Variants in ARIH1 observed in about 807,000 individuals in gnomAD.
The protein encoded by ARIH1 is ariadne RBR E3 ubiquitin protein ligase 1.
ARIH1 carries 8 observed loss-of-function variants against 85.0 expected under a neutral mutation model. The ratio of observed to expected loss-of-function variants is 0.09; its 90% CI spans 0.06 to 0.17. The LOEUF (loss-of-function observed/expected upper bound fraction) is 0.17. ARIH1 is among the 10% of genes least tolerant of loss of function. The pLI, the probability that ARIH1 is intolerant of heterozygous loss-of-function variation, is 1.00. For synonymous variants in ARIH1, 238 were observed against 253.6 expected (o/e 0.94, Z 0.59); for missense variants, 311 against 718.1 (o/e 0.43, Z 6.48).
At chr15:72,571,215 C>T (rs1007689074) in intron 10 of ARIH1, among the ~76,000 whole-genome samples, 1 of 149,928 alleles carries the variant, frequency 6.7e-6, no homozygotes, top group Non-Finnish European at 1.5e-5. Flanking sequence ...TAAGCCTCCA[C>T]TGGGTGACAG....
At chr15:72,562,153 T>G (rs893791982) in intron 6 of ARIH1, among the ~76,000 whole-genome samples, 4 of 152,180 alleles carry the variant, frequency 2.6e-5, no homozygotes, top group African/African-American at 7.2e-5. Flanking sequence ...TGTTTGAGAT[T>G]CTAACCCTGC....
At chr15:72,539,894 CTAAG>C (rs1270579234) in intron 2 of ARIH1, among the ~76,000 whole-genome samples, 1 of 152,064 alleles carries the variant, frequency 6.6e-6, no homozygotes. Context: ...AGAATTATGT[CTAAG>C]TAGTTGGAGG....
Position 72,474,928 on chromosome 15 carries a change from G to A in ARIH1, c.289G>A (p.Glu97Lys). The A allele has an allele frequency of 6.5e-7, 1 of 1,527,130 alleles. No homozygotes were observed. Among genetic ancestry groups the A allele is most frequent in the South Asian group, 1.2e-5 (1 of 82,882 alleles). The allele number at this position is 1,527,130 out of a possible 1,614,324, so 94.6% of individuals were successfully genotyped here. A position where few individuals can be genotyped will look rare whatever the true frequency, so the allele number is the denominator to read the frequency against. Residue 97 changes from glutamate to lysine, a missense_variant, in exon 1 of 14, where the codon GAG becomes AAG. Physicochemically the swap from Glu to Lys is moderately conservative, Grantham distance 56 (BLOSUM62 1). This residue lies in a region of ARIH1 where 157 missense variants were observed against 185.1 expected (regional missense o/e 0.85). Transcript: ENST00000379887. ...GGGGPGHEQE[E>K]DYRYEVLTAE... ...TGGCGGGCCGGGGCATGAGCAGGAG[G>A]AGGATTACCGCTACGAGGTGCTCAC... is the stretch of plus-strand genomic sequence containing the variant.
At chr15:72,505,330 TATC>T (rs777899107) in intron 1 of ARIH1, among the ~76,000 whole-genome samples, 14 of 152,222 alleles carry the variant, frequency 9.2e-5, no homozygotes, top group Non-Finnish European at 1.8e-4. Flanking sequence ...AATATTACCA[TATC>T]ATAGAAATTT....
At chr15:72,546,791 G>A (rs977232642) in intron 3 of ARIH1, among the ~76,000 whole-genome samples, 2 of 151,954 alleles carry the variant, frequency 1.3e-5, no homozygotes, top group African/African-American at 4.8e-5. Context: ...GTTTCACCAT[G>A]TTGCCCAGGC....
At chr15:72,482,686 C>A (rs2063820962) in intron 1 of ARIH1, among the ~76,000 whole-genome samples, 1 of 151,724 alleles carries the variant, frequency 6.6e-6, no homozygotes, top group Admixed American at 6.6e-5. Context: ...CTTATGTTAC[C>A]CCAAAACTTA....
rs932022573 is a variant in ARIH1 at position 72,588,029 on chromosome 15, A to G, written c.*4737A>G. On this transcript the variant is annotated 3_prime_UTR_variant, in exon 14 of 14. Coordinates refer to ENST00000379887, the MANE Select transcript of ARIH1 (RefSeq NM_005744.5). ...AGGGTAGGAGCCAGTTAAAGTTTGTATATCAGTCACACATTGATATGTAGC... is the reference window on the plus strand; with the variant it reads ...AGGGTAGGAGCCAGTTAAAGTTTGTGTATCAGTCACACATTGATATGTAGC... The G allele has an allele frequency of 6.6e-6, 1 of 152,220 alleles. No individual in the cohort carries two copies. Among genetic ancestry groups the G allele is most frequent in the Non-Finnish European group, 1.5e-5 (1 of 68,038 alleles). 9.4% of individuals were successfully genotyped at this position (152,220 alleles called of 1,614,324 possible).
At chr15:72,506,931 A>G (rs912667461) in intron 1 of ARIH1, among the ~76,000 whole-genome samples, 4 of 151,532 alleles carry the variant, frequency 2.6e-5, no homozygotes, top group Non-Finnish European at 5.9e-5. Context: ...GTTGCCTCCC[A>G]CTCTGCTAAA....
intron 2 of ARIH1, among the ~76,000 whole-genome samples, chr15:72,518,561 A>G (rs2063985164): frequency 6.6e-6 from 1 of 152,144 alleles, no homozygotes; most frequent in Non-Finnish European, 1.5e-5. Flanking sequence ...AGGCTGAGGC[A>G]GGTGGAACAC....
intron 1 of ARIH1, among the ~76,000 whole-genome samples, chr15:72,506,980 T>TTATGTATGTATGTATG (rs72006883): frequency 6.7e-6 from 1 of 149,996 alleles, no homozygotes; most frequent in African/African-American, 2.5e-5. Flanking sequence ...GTGATTATTT[T>TTATGTATGTATGTATG]TATGTATGTA....
intron 11 of ARIH1, among the ~76,000 whole-genome samples, chr15:72,580,284 C>T (rs549773900): frequency 5.3e-5 from 8 of 152,162 alleles, no homozygotes; most frequent in African/African-American, 1.9e-4. Flanking sequence ...GCTGAGTACT[C>T]GTGTGTGTGT....
At chr15:72,564,111 ACTT>A (rs2064208948) in intron 7 of ARIH1, among the ~76,000 whole-genome samples, 1 of 152,116 alleles carries the variant, frequency 6.6e-6, no homozygotes, top group Non-Finnish European at 1.5e-5. Context: ...CAAATTTTTG[ACTT>A]CTTATTTCCT....
At chr15:72,566,489 T>A in intron 7 of ARIH1, 74 bp from the exon 8 acceptor site, 1 of 1,212,596 alleles carries the variant, frequency 8.2e-7, no homozygotes, top group Non-Finnish European at 1.2e-6. Context: ...CTATAAGGCA[T>A]GAAATGATTG....
intron 1 of ARIH1, among the ~76,000 whole-genome samples, chr15:72,478,925 C>G (rs79177096): frequency 2.0e-5 from 3 of 152,192 alleles, no homozygotes; most frequent in African/African-American, 7.2e-5. Flanking sequence ...GCAACCTCAA[C>G]TTCCTGAGCT....
At chr15:72,519,475 G>GTGTTTTT (rs2063989343) in intron 2 of ARIH1, among the ~76,000 whole-genome samples, 1 of 62,544 alleles carries the variant, frequency 1.6e-5, no homozygotes, top group African/African-American at 6.5e-5. Context: ...TGTTTTTTTT[G>GTGTTTTT]TTTTTTTTTT....
chr15:72,576,743 A>G (rs1207079429), intron 11 of ARIH1, among the ~76,000 whole-genome samples: 3 of 152,016 alleles, frequency 2.0e-5, no homozygotes, highest in Non-Finnish European at 4.4e-5. Flanking sequence ...TATACTTTAC[A>G]TATCTCTAAA....
intron 3 of ARIH1, among the ~76,000 whole-genome samples, chr15:72,546,901 C>G (rs1359652801): frequency 7.3e-6 from 1 of 136,844 alleles, no homozygotes; most frequent in Non-Finnish European, 1.5e-5. Flanking sequence ...GTTTTGGTTT[C>G]TTCTCCTTTT....
chr15:72,544,792 T>C (rs1312903775), intron 2 of ARIH1, 28 bp from the exon 3 acceptor site: 4 of 1,596,502 alleles, frequency 2.5e-6, no homozygotes, highest in East Asian at 4.5e-5. Context: ...GTTGCTGGGC[T>C]CTTATCCTTT....
intron 1 of ARIH1, among the ~76,000 whole-genome samples, chr15:72,517,370 A>G (rs2063979798): frequency 6.6e-6 from 1 of 152,134 alleles, no homozygotes; most frequent in Non-Finnish European, 1.5e-5. Context: ...CTGAGTGGTT[A>G]GGACTATAGG....
Sources: gnomAD v4.1 joint callset for allele counts (sites outside exome capture counted in the v4.1 genomes callset) on GRCh38, gnomAD v4.1.1 for gene constraint, gnomAD v4.1.1 regional missense constraint, MANE v1.5 for transcripts, NCBI Gene and HGNC (gene_info 2026-07-23, HGNC 2026-07-21) for gene names.